Variants in AEN observed in about 807,000 individuals in gnomAD.
The protein encoded by AEN is apoptosis enhancing nuclease.
Under a neutral mutation model 17.7 loss-of-function variants are expected in AEN, and 21 were observed. The ratio of observed to expected loss-of-function variants is 1.19; its 90% confidence interval spans 0.84 to 1.71. The LOEUF is 1.71. Among genes scored for constraint, AEN ranks in the 40% most tolerant of loss-of-function variants. The pLI, the probability that AEN is intolerant of heterozygous loss-of-function variation, is 0.00. For synonymous variants in AEN, 190 were observed against 173.0 expected (o/e 1.10, Z -0.77); for missense variants, 462 against 435.9 (o/e 1.06, Z -0.53).
chr15:88,629,817 A>C (rs2057903858), intron 3 of AEN, among the ~76,000 whole-genome samples: 2 of 152,134 alleles, frequency 1.3e-5, no homozygotes, highest in Admixed American at 1.3e-4. Context: ...TATTCATCTG[A>C]TCTGCAAGCC....
At chr15:88,612,765 A>T in the AEN span, among the ~76,000 whole-genome samples, 2 of 151,786 alleles carry the variant, frequency 1.3e-5, no homozygotes, top group Admixed American at 6.6e-5. Context: ...CAACTCAGCT[A>T]ATTTTTTGTA....
In AEN at chr15:88,631,562, C is replaced by A. The variant is rs1195460915; in HGVS notation, c.*1268C>A. The A allele has an allele frequency of 1.7e-5, 3 of 179,044 alleles. No individual in the cohort carries two copies. In the East Asian group the frequency reaches 4.0e-4, roughly 24 times the overall value. The allele number at this position is 179,044 out of a possible 1,614,324, so 11.1% of individuals were successfully genotyped here. A position where few individuals can be genotyped will look rare whatever the true frequency, so the allele number is the denominator to read the frequency against. On this transcript the variant is annotated 3_prime_UTR_variant, in exon 4 of 4. Coordinates refer to ENST00000332810, the MANE Select transcript of AEN (RefSeq NM_022767.4). ...AAAGTGGGGATAGTGGTACGGCCTACCTCATAGGGTTGTAATGAGCACTAA... is the reference window on the plus strand; with the variant it reads ...AAAGTGGGGATAGTGGTACGGCCTAACTCATAGGGTTGTAATGAGCACTAA...
intron 1 of AEN, among the ~76,000 whole-genome samples, chr15:88,623,186 A>T (rs559662094): frequency 1.3e-4 from 20 of 152,178 alleles, no homozygotes; most frequent in Non-Finnish European, 2.1e-4. Flanking sequence ...CAGTTCTAAG[A>T]TGTGACTGTC....
chr15:88,611,815 C>T, the AEN span: 1 of 499,902 alleles, frequency 2.0e-6, no homozygotes, highest in South Asian at 1.5e-5. Flanking sequence ...GAACGCCTTG[C>T]AGAACTGGCC....
chr15:88,612,832 G>A, the AEN span, among the ~76,000 whole-genome samples: 3 of 151,722 alleles, frequency 2.0e-5, no homozygotes, highest in East Asian at 1.9e-4. Context: ...AACTCGTGAC[G>A]TCAGGGGATC....
rs748456814 is a variant in AEN at position 88,626,426 on chromosome 15, G to A, written c.217G>A (p.Ala73Thr). The change falls in exon 2 of 4, where the codon GCA becomes ACA. Residue 73 changes from alanine to threonine, a missense_variant. By Grantham distance (58) the Ala-to-Thr change is moderately conservative (BLOSUM62 0). Transcript: ENST00000332810. ...GCCCACCCCTTTCGGGGCAGCGACA[G>A]CAACTGAAGCTGCCAGCAGTGGGAA... Reference protein sequence around the residue: ...PLPTPFGAATATEAASSGKQC... With the variant: ...PLPTPFGAATTTEAASSGKQC... The A allele has an allele frequency of 1.2e-6, 2 of 1,613,324 alleles. No individual in the cohort carries two copies. The highest frequency in any genetic ancestry group is 1.1e-5 in the South Asian group (1 of 91,042).
chr15:88,624,759 C>T (rs555026889), intron 1 of AEN, among the ~76,000 whole-genome samples: 8 of 152,082 alleles, frequency 5.3e-5, no homozygotes, highest in Non-Finnish European at 8.8e-5. Context: ...TGGTGCATGC[C>T]TGTAATCCAG....
the AEN span, among the ~76,000 whole-genome samples, chr15:88,614,236 G>C: frequency 6.6e-6 from 1 of 152,084 alleles, no homozygotes; most frequent in Non-Finnish European, 1.5e-5. Context: ...GTCTGGCTTT[G>C]TCACCCAGTC....
chr15:88,627,201 T>G (rs1214715970), intron 2 of AEN: 1 of 184,056 alleles, frequency 5.4e-6, no homozygotes, highest in African/African-American at 2.4e-5. Context: ...TGCTTGACCT[T>G]AGAAACACCT....
At chr15:88,617,798 C>T (rs1465156644), upstream of AEN, among the ~76,000 whole-genome samples, 1 of 151,990 alleles carries the variant, frequency 6.6e-6, no homozygotes, top group Non-Finnish European at 1.5e-5. Flanking sequence ...CCATTTGCCT[C>T]ATAAGTGACT....
chr15:88,631,284 G>A lies in AEN; in HGVS notation c.*990G>A. On this transcript the variant is annotated 3_prime_UTR_variant, in exon 4 of 4. Coordinates refer to ENST00000332810, the MANE Select transcript of AEN (RefSeq NM_022767.4). The stretch of plus-strand genomic sequence containing the variant: ...GGCAGGGCATTGGCAGTTACGCAGT[G>A]GCCCTGAACCTGGTCTGGTGCCCCC... 1 of 399,972 alleles carries A rather than the reference G, an allele frequency of 2.5e-6. No individual in the cohort carries two copies. The highest frequency in any genetic ancestry group is 5.3e-6 in the Non-Finnish European group (1 of 187,950). 24.8% of individuals were successfully genotyped at this position (399,972 alleles called of 1,614,324 possible).
At chr15:88,619,610 C>A (rs1188123018), upstream of AEN, among the ~76,000 whole-genome samples, 1 of 152,152 alleles carries the variant, frequency 6.6e-6, no homozygotes, top group Non-Finnish European at 1.5e-5. Flanking sequence ...ATTACTTGAA[C>A]CCGGGAGGCA....
chr15:88,611,213 G>T, the AEN span, among the ~76,000 whole-genome samples: 1 of 152,058 alleles, frequency 6.6e-6, no homozygotes, highest in African/African-American at 2.4e-5. Context: ...CTTCTGCATG[G>T]TGGTTCAATG....
At chr15:88,622,884 CTCTT>C (rs2057806094) in intron 1 of AEN, among the ~76,000 whole-genome samples, 1 of 152,190 alleles carries the variant, frequency 6.6e-6, no homozygotes. Context: ...GTCTCTTTCT[CTCTT>C]CTCTTAAGCA....
intron 1 of AEN, among the ~76,000 whole-genome samples, chr15:88,623,066 C>A (rs1243709444): frequency 2.0e-5 from 3 of 152,192 alleles, no homozygotes; most frequent in Non-Finnish European, 4.4e-5. Context: ...AAGGAGGGGA[C>A]TATCCGCCAG....
the AEN span, among the ~76,000 whole-genome samples, chr15:88,615,012 C>T: frequency 1.3e-5 from 2 of 152,034 alleles, no homozygotes; most frequent in Admixed American, 1.3e-4. Flanking sequence ...TACAGGCGCC[C>T]GCCACCACGC....
upstream of AEN, among the ~76,000 whole-genome samples, chr15:88,618,560 T>C (rs1325884920): frequency 6.6e-6 from 1 of 152,248 alleles, no homozygotes; most frequent in African/African-American, 2.4e-5. Context: ...ATGGAAAATA[T>C]ATCTTTGAAG....
At chr15:88,614,420 T>TA in the AEN span, among the ~76,000 whole-genome samples, 1 of 152,086 alleles carries the variant, frequency 6.6e-6, no homozygotes, top group Non-Finnish European at 1.5e-5. Context: ...AGGCTGGTCT[T>TA]AAACTCCTGG....
upstream of AEN, among the ~76,000 whole-genome samples, chr15:88,618,882 C>G (rs937703274): frequency 6.6e-5 from 10 of 152,182 alleles, no homozygotes; most frequent in Non-Finnish European, 1.3e-4. Context: ...TCATAGCTCA[C>G]TGTAACCTCT....
Sources: allele counts gnomAD v4.1 joint callset (sites outside exome capture counted in the v4.1 genomes callset), GRCh38; gene constraint gnomAD v4.1.1; transcripts MANE v1.5; gene names NCBI Gene and HGNC (gene_info 2026-07-23, HGNC 2026-07-21).